AOPEP: variants seen among roughly 807,000 people sequenced by gnomAD.
AOPEP encodes the protein aminopeptidase O (putative).
In AOPEP, 77 loss-of-function variants were observed where a neutral mutation model predicts 98.1. The ratio of observed to expected loss-of-function variants is 0.78; its 90% CI spans 0.65 to 0.95. The LOEUF (loss-of-function observed/expected upper bound fraction) is 0.95, where lower values mean the gene tolerates loss of function less well. AOPEP is among the 40% of genes least tolerant of loss of function. The pLI is 0.00. For missense variants in AOPEP, 1,024 were observed against 1,024.7 expected (o/e 1.00, Z 0.01); for synonymous variants, 346 against 365.3 (o/e 0.95, Z 0.60).
downstream of AOPEP, among the ~76,000 whole-genome samples, chr9:95,087,521 A>C (rs1374388217): frequency 8.0e-6 from 1 of 125,706 alleles, no homozygotes; most frequent in Non-Finnish European, 1.7e-5. Flanking sequence ...CACGTACAAG[A>C]AAAAGGTATT....
chr9:94,968,266 TG>T (rs1337895152), intron 10 of AOPEP, among the ~76,000 whole-genome samples: 3 of 152,188 alleles, frequency 2.0e-5, no homozygotes, highest in Non-Finnish European at 2.9e-5. Context: ...GTTTGTTTTT[TG>T]AGATGGAGTG....
At chr9:95,118,625 G>A in the AOPEP span, among the ~76,000 whole-genome samples, 3 of 152,288 alleles carry the variant, frequency 2.0e-5, no homozygotes, top group East Asian at 5.8e-4. Context: ...AGAGAGATTA[G>A]TTTTGCTTAT....
chr9:95,118,026 G>GT, the AOPEP span, among the ~76,000 whole-genome samples: 5 of 149,468 alleles, frequency 3.3e-5, no homozygotes, highest in Admixed American at 6.7e-5. Flanking sequence ...GCTTGTTTTT[G>GT]TTTTTTTATT....
chr9:94,992,699 G>A (rs896853887), intron 11 of AOPEP, among the ~76,000 whole-genome samples: 1 of 152,230 alleles, frequency 6.6e-6, no homozygotes, highest in African/African-American at 2.4e-5. Flanking sequence ...GAGGCTCACT[G>A]CCTCTTTGGG....
chr9:94,919,971 T>C (rs2053380733), intron 5 of AOPEP, among the ~76,000 whole-genome samples: 1 of 152,206 alleles, frequency 6.6e-6, no homozygotes, highest in Non-Finnish European at 1.5e-5. Flanking sequence ...GTCTGTATGA[T>C]GCCTCCCAAG....
At chr9:94,747,327 T>A (rs146242744) in intron 1 of AOPEP, among the ~76,000 whole-genome samples, 27 of 152,216 alleles carry the variant, frequency 1.8e-4, no homozygotes, top group African/African-American at 5.8e-4. Flanking sequence ...TTATGTTATC[T>A]TGCATTATTT....
the AOPEP span, among the ~76,000 whole-genome samples, chr9:95,116,389 C>G: frequency 6.6e-6 from 1 of 152,226 alleles, no homozygotes; most frequent in East Asian, 1.9e-4. Flanking sequence ...GGGGATCACC[C>G]TGGGCAAGAA....
chr9:95,056,743 G>C (rs1248148641), intron 13 of AOPEP, among the ~76,000 whole-genome samples: 8 of 152,178 alleles, frequency 5.3e-5, no homozygotes, highest in Non-Finnish European at 1.5e-5. Flanking sequence ...TTTTTTCTTT[G>C]TACAGTTCTT....
At chr9:94,779,890 G>A (rs1296254239) in intron 3 of AOPEP, among the ~76,000 whole-genome samples, 1 of 152,018 alleles carries the variant, frequency 6.6e-6, no homozygotes, top group Admixed American at 6.6e-5. Flanking sequence ...GATATCGTTT[G>A]GCCTTTACTC....
At chr9:94,793,273 G>A (rs1025925020) in intron 4 of AOPEP, among the ~76,000 whole-genome samples, 5 of 152,050 alleles carry the variant, frequency 3.3e-5, no homozygotes, top group Admixed American at 6.6e-5. Flanking sequence ...GCTTGAACCC[G>A]GGAGGCAGAG....
intron 13 of AOPEP, among the ~76,000 whole-genome samples, chr9:95,055,210 T>C (rs989616447): frequency 6.6e-6 from 1 of 152,238 alleles, no homozygotes; most frequent in Admixed American, 6.5e-5. Flanking sequence ...TTGTCTACTT[T>C]TGTTTCTTAG....
chr9:95,054,797 T>C (rs1024137149), intron 13 of AOPEP, among the ~76,000 whole-genome samples: 13 of 152,236 alleles, frequency 8.5e-5, no homozygotes, highest in African/African-American at 3.1e-4. Context: ...AAAATTTGTT[T>C]ATAGACATAC....
At chr9:94,773,221 G>T in intron 3 of AOPEP, 53 bp downstream of exon 3, 1 of 1,473,324 alleles carries the variant, frequency 6.8e-7, no homozygotes, top group South Asian at 1.3e-5. Context: ...TGTGGACCCA[G>T]GAACCCAATA....
chr9:95,102,444 G>A, the AOPEP span, among the ~76,000 whole-genome samples: 1 of 152,136 alleles, frequency 6.6e-6, no homozygotes, highest in Non-Finnish European at 1.5e-5. Flanking sequence ...AAAAACTTCG[G>A]TTAAGAAAAA....
chr9:95,102,294 C>G, the AOPEP span, among the ~76,000 whole-genome samples: 2 of 152,170 alleles, frequency 1.3e-5, no homozygotes, highest in Non-Finnish European at 2.9e-5. Context: ...ACAGAAACAG[C>G]CCCTGGCATC....
the AOPEP span, among the ~76,000 whole-genome samples, chr9:95,094,811 G>A: frequency 6.6e-6 from 1 of 152,170 alleles, no homozygotes; most frequent in South Asian, 2.1e-4. Flanking sequence ...GATTACAGGT[G>A]TGCGCCACCA....
chr9:94,885,034 A>C (rs1336115979), intron 5 of AOPEP, among the ~76,000 whole-genome samples: 2 of 132,470 alleles, frequency 1.5e-5, no homozygotes, highest in South Asian at 2.5e-4. Flanking sequence ...AAAATCAGAC[A>C]CTGGTGCAAA....
At chr9:94,856,358 A>G (rs955604995) in intron 5 of AOPEP, among the ~76,000 whole-genome samples, 14 of 152,076 alleles carry the variant, frequency 9.2e-5, no homozygotes, top group Admixed American at 2.6e-4. Flanking sequence ...GAGGCAGCAG[A>G]AGGCCGGGTG....
intron 14 of AOPEP, 30 bp from the exon 15 acceptor site, chr9:95,080,664 C>T (rs746252333): frequency 1.8e-5 from 29 of 1,571,406 alleles, no homozygotes; most frequent in Non-Finnish European, 2.4e-5. Flanking sequence ...GCCTGCTTGT[C>T]GCTCACTGGG....
Sources: allele counts gnomAD v4.1 joint callset (sites outside exome capture counted in the v4.1 genomes callset), GRCh38; gene constraint gnomAD v4.1.1; transcripts MANE v1.5; gene names NCBI Gene and HGNC (gene_info 2026-07-23, HGNC 2026-07-21).